Variants in PTK2 observed in about 807,000 individuals in gnomAD.
PTK2 encodes the protein focal adhesion kinase 1.
PTK2 carries 45 observed loss-of-function variants against 150.1 expected under a neutral mutation model. The ratio of observed to expected loss-of-function variants is 0.30; its 90% CI spans 0.24 to 0.38. The LOEUF is 0.38. PTK2 is among the 10% of genes least tolerant of loss of function. The pLI is 1.00. For synonymous variants in PTK2, 432 were observed against 449.2 expected, an observed-to-expected ratio of 0.96 and a Z score of 0.48; for missense variants, 919 against 1,307.3, an observed-to-expected ratio of 0.70 and a Z score of 4.58.
intron 15 of PTK2, among the ~76,000 whole-genome samples, chr8:140,762,772 GT>G (rs901714362): frequency 2.7e-5 from 4 of 148,614 alleles, no homozygotes; most frequent in East Asian, 2.0e-4. Flanking sequence ...GTGTTTTGGT[GT>G]TTTTTTTTTC....
chr8:140,989,304 G>A (rs140151075), intron 1 of PTK2, among the ~76,000 whole-genome samples: 207 of 151,372 alleles, frequency 1.4e-3, no homozygotes, highest in Non-Finnish European at 2.3e-3. Flanking sequence ...TGAGGGAGGA[G>A]GATTGCTTGA....
At chr8:140,858,769 C>T (rs2100134353) in intron 5 of PTK2, among the ~76,000 whole-genome samples, 1 of 152,134 alleles carries the variant, frequency 6.6e-6, no homozygotes, top group Admixed American at 6.5e-5. Flanking sequence ...CTGTGCCAAA[C>T]AATTACAGAA....
intron 23 of PTK2, among the ~76,000 whole-genome samples, chr8:140,713,246 G>A (rs564604115): frequency 6.6e-6 from 1 of 152,282 alleles, no homozygotes; most frequent in South Asian, 2.1e-4. Flanking sequence ...AGCTCTATTA[G>A]CGGAAAAGGC....
intron 11 of PTK2, among the ~76,000 whole-genome samples, chr8:140,802,869 G>GT (rs2100095935): frequency 6.6e-6 from 1 of 152,084 alleles, no homozygotes; most frequent in Admixed American, 6.6e-5. Context: ...TTAGGTTTGT[G>GT]TAAGAACAGT....
At chr8:140,864,961 T>A (rs776657033) in intron 4 of PTK2, among the ~76,000 whole-genome samples, 3 of 152,192 alleles carry the variant, frequency 2.0e-5, no homozygotes, top group Non-Finnish European at 4.4e-5. Flanking sequence ...AACAAATACA[T>A]CCATTAGCTT....
At chr8:140,734,944 G>A (rs1158935014) in intron 22 of PTK2, 7 of 446,582 alleles carry the variant, frequency 1.6e-5, no homozygotes, top group Non-Finnish European at 2.5e-5. Flanking sequence ...GGTTGTGTTA[G>A]ATGAGATTAG....
chr8:140,679,272 G>A (rs773841244), intron 27 of PTK2, among the ~76,000 whole-genome samples: 44 of 151,818 alleles, frequency 2.9e-4, no homozygotes, highest in Non-Finnish European at 4.1e-4. Context: ...TGATCTGCTC[G>A]CCTCGGCCTC....
intron 1 of PTK2, among the ~76,000 whole-genome samples, chr8:140,976,545 G>T (rs182962477): frequency 2.0e-5 from 3 of 152,338 alleles, no homozygotes; most frequent in East Asian, 3.9e-4. Context: ...GAAAGCAGCT[G>T]CAGTCACAGC....
chr8:140,886,362 C>G (rs938408968), intron 3 of PTK2, among the ~76,000 whole-genome samples: 1 of 152,072 alleles, frequency 6.6e-6, no homozygotes, highest in South Asian at 2.1e-4. Context: ...AAATGGTTGT[C>G]TAGGAGAGAA....
chr8:140,991,161 G>A (rs1281391637), intron 1 of PTK2, among the ~76,000 whole-genome samples: 1 of 152,162 alleles, frequency 6.6e-6, no homozygotes, highest in Non-Finnish European at 1.5e-5. Flanking sequence ...AAAGGCAAAA[G>A]AATGTATTGA....
intron 26 of PTK2, among the ~76,000 whole-genome samples, chr8:140,689,783 T>C (rs2100022048): frequency 6.6e-6 from 1 of 152,188 alleles, no homozygotes; most frequent in African/African-American, 2.4e-5. Flanking sequence ...ACCATTCTTG[T>C]AACTTTAAAA....
chr8:140,788,713 T>C (rs2100086459), intron 14 of PTK2, among the ~76,000 whole-genome samples: 1 of 152,056 alleles, frequency 6.6e-6, no homozygotes, highest in Non-Finnish European at 1.5e-5. Flanking sequence ...TAAACAGGAA[T>C]TGGGTCTTTT....
chr8:140,997,765 C>T (rs147061148), intron 1 of PTK2, among the ~76,000 whole-genome samples: 13 of 152,214 alleles, frequency 8.5e-5, no homozygotes, highest in Admixed American at 6.5e-4. Context: ...ATAGGGAGAC[C>T]CCATCTCTAC....
intron 1 of PTK2, among the ~76,000 whole-genome samples, chr8:140,998,920 G>A (rs778641414): frequency 6.6e-6 from 1 of 152,158 alleles, no homozygotes; most frequent in Admixed American, 6.6e-5. Context: ...AGGACTGAGG[G>A]AGTAAGTTAT....
chr8:140,816,080 T>G (rs1739263830), intron 10 of PTK2, among the ~76,000 whole-genome samples: 1 of 152,302 alleles, frequency 6.6e-6, no homozygotes, highest in South Asian at 2.1e-4. Context: ...TACATTATTA[T>G]ACACTTATAA....
intron 1 of PTK2, among the ~76,000 whole-genome samples, chr8:140,973,398 C>T (rs2154609700): frequency 6.6e-6 from 1 of 152,134 alleles, no homozygotes; most frequent in Non-Finnish European, 1.5e-5. Flanking sequence ...TATTTACTTA[C>T]TCATCTCTAA....
rs559868661 is a variant in PTK2 at position 140,842,523 on chromosome 8, T to A, written c.593+3737A>T. Among the ~76,000 whole-genome samples, 33 of 152,220 alleles carry A rather than the reference T, an allele frequency of 2.2e-4. No individual in the cohort carries two copies. The South Asian group carries it at 6.8e-3, about 32-fold the overall frequency. ...CGACAATCTCATATATAGGTAGGTA[T>A]CACCATTATCCCCATTTTACACGTT... is the stretch of plus-strand genomic sequence containing the variant. On this transcript the variant is annotated intron_variant, in intron 7 of 31. Transcript: ENST00000522684.
At chr8:140,806,831 C>T (rs2100098414) in intron 10 of PTK2, among the ~76,000 whole-genome samples, 1 of 152,088 alleles carries the variant, frequency 6.6e-6, no homozygotes, top group South Asian at 2.1e-4. Flanking sequence ...TTCAGGATAG[C>T]AAAAGATAAT....
At chr8:140,891,148 AC>A (rs1428977617) in intron 2 of PTK2, among the ~76,000 whole-genome samples, 1 of 151,488 alleles carries the variant, frequency 6.6e-6, no homozygotes, top group African/African-American at 2.4e-5. Context: ...GCTTTTGAAA[AC>A]TTTTACCTAA....
Sources: gnomAD v4.1 joint callset for allele counts (sites outside exome capture counted in the v4.1 genomes callset) on GRCh38, gnomAD v4.1.1 for gene constraint, MANE v1.5 for transcripts, NCBI Gene and HGNC (gene_info 2026-07-23, HGNC 2026-07-21) for gene names.